BRF1: variants seen among roughly 807,000 people sequenced by gnomAD.
BRF1 encodes the protein transcription factor IIIB 90 kDa subunit.
BRF1 carries 59 observed loss-of-function variants against 81.7 expected under a neutral mutation model. The ratio of observed to expected loss-of-function variants is 0.72; its 90% CI spans 0.59 to 0.90. The LOEUF is 0.90. Among genes scored for constraint, BRF1 ranks in the 40% least tolerant of loss-of-function variants. BRF1 has a pLI of 0.00. For synonymous variants in BRF1, 491 were observed against 395.6 expected (o/e 1.24, Z -2.86); for missense variants, 1,050 against 936.3 (o/e 1.12, Z -1.58).
chr14:105,250,549 G>T, intron 5 of BRF1: 1 of 1,614,148 alleles, frequency 6.2e-7, no homozygotes, highest in Non-Finnish European at 8.5e-7. Flanking sequence ...GCTACTTTGG[G>T]CAGGAGGGGA....
chr14:105,210,721 G>T lies in BRF1; in HGVS notation c.1997-133C>A. The T allele has an allele frequency of 2.2e-6, 2 of 895,458 alleles. No homozygotes were observed. The highest frequency in any genetic ancestry group is 1.6e-6 in the Non-Finnish European group (1 of 614,914). The allele number at this position is 895,458 out of a possible 1,614,324, so 55.5% of individuals were successfully genotyped here. A position where few individuals can be genotyped will look rare whatever the true frequency, so the allele number is the denominator to read the frequency against. Reference sequence around the variant, plus strand: ...CCCCAGCCCCAGCCCCCCGCGCCCCGCCAGGAGCCATCTTGGGCTCCTCTC... The same window carrying T: ...CCCCAGCCCCAGCCCCCCGCGCCCCTCCAGGAGCCATCTTGGGCTCCTCTC... On this transcript the variant is annotated intron_variant, in intron 17 of 17. Coordinates refer to ENST00000547530, the MANE Select transcript of BRF1 (RefSeq NM_001519.4). This position sits in a 1 kb window ranked among gnomAD's most constrained non-coding sequence, Gnocchi z 4.7.
Position 105,210,709 on chromosome 14 carries a change from C to G in BRF1, c.1997-121G>C. ...CTCAGGCTCCAGCCCCAGCCCCAGC[C>G]CCCCGCGCCCCGCCAGGAGCCATCT... On this transcript the variant is annotated intron_variant, in intron 17 of 17. Transcript: ENST00000547530. The surrounding 1 kb of genome is among the most constrained non-coding windows in gnomAD (Gnocchi z 4.7). 2 of 1,144,744 alleles carry G rather than the reference C, an allele frequency of 1.7e-6. No homozygotes were observed. The highest frequency in any genetic ancestry group is 2.7e-4 in the Middle Eastern group (1 of 3,736). The allele number at this position is 1,144,744 out of a possible 1,614,324, so 70.9% of individuals were successfully genotyped here. A position where few individuals can be genotyped will look rare whatever the true frequency, so the allele number is the denominator to read the frequency against.
intron 4 of BRF1, among the ~76,000 whole-genome samples, chr14:105,255,757 G>C (rs1393479514): frequency 6.6e-6 from 1 of 152,200 alleles, no homozygotes; most frequent in Non-Finnish European, 1.5e-5. Context: ...AGATGTAACT[G>C]AAAGTGCTTT....
chr14:105,242,735 C>CAAAAAA (rs753645207), intron 5 of BRF1: 16 of 38,910 alleles, frequency 4.1e-4, no homozygotes, highest in African/African-American at 4.8e-4. Flanking sequence ...AGTTCTGACT[C>CAAAAAA]AAAAAAAAAA....
chr14:105,228,508 C>A (rs1203481694), intron 7 of BRF1, among the ~76,000 whole-genome samples: 4 of 150,838 alleles, frequency 2.7e-5, no homozygotes, highest in Admixed American at 1.3e-4. Context: ...CACGCTATTG[C>A]ACTCCAGCCT....
intron 1 of BRF1, among the ~76,000 whole-genome samples, chr14:105,295,303 C>CAAAAAA (rs869251134): frequency 6.6e-4 from 24 of 36,576 alleles, no homozygotes; most frequent in African/African-American, 1.8e-3. Flanking sequence ...CACATCTCTA[C>CAAAAAA]AAAAAAAAAA....
chr14:105,252,667 T>C (rs2055676263), intron 4 of BRF1, 88 bp from the exon 5 acceptor site: 3 of 1,403,710 alleles, frequency 2.1e-6, no homozygotes, highest in Admixed American at 4.4e-5. Flanking sequence ...TCTTGTGCAG[T>C]CTTTAAAGAC....
rs1328985726 is a variant in BRF1, at chr14:105,210,635, G to C, written c.1997-47C>G. 1.9e-6 allele frequency: 3 copies of C among 1,605,040 alleles called. No homozygotes were observed. The highest frequency in any genetic ancestry group is 2.5e-6 in the Non-Finnish European group (3 of 1,177,622). ...AAGCCCAGGGTCTCTGTGGGACCCA[G>C]GAGCCCAGACCCCCCAACCCGCCCT... On this transcript the variant is annotated intron_variant, in intron 17 of 17. Coordinates refer to ENST00000547530, the MANE Select transcript of BRF1 (RefSeq NM_001519.4). The surrounding 1 kb of genome is among the most constrained non-coding windows in gnomAD (Gnocchi z 4.7).
rs201358103 is a variant in BRF1, at chr14:105,221,898, G to A, written c.1065C>T (p.Thr355=). The A allele has an allele frequency of 5.0e-5, 79 of 1,594,194 alleles. No homozygotes were observed. The highest frequency in any genetic ancestry group is 2.3e-4 in the Admixed American group (13 of 57,534). Residue 355 remains threonine, a synonymous_variant, in exon 11 of 18, where the codon ACC becomes ACT. Transcript: ENST00000547530. ...CCTCCTCGCCACACAAGCTGGACGC[G>A]GTGTCCTCGGTGGAGCCTAGGTGTA... The part of the protein sequence containing the change: ...SLAKDGSTED[T]ASSLCGEEDT...
intron 3 of BRF1, among the ~76,000 whole-genome samples, chr14:105,257,921 C>T (rs1190696749): frequency 6.6e-6 from 1 of 152,124 alleles, no homozygotes; most frequent in African/African-American, 2.4e-5. Flanking sequence ...AGGAGGGTTC[C>T]AGGACGCTGC....
chr14:105,300,313 C>A (rs2057951440), intron 1 of BRF1, 133 bp downstream of exon 1: 3 of 1,043,082 alleles, frequency 2.9e-6, no homozygotes, highest in Non-Finnish European at 3.9e-6. Context: ...ACACTCGCGC[C>A]CAGACGGCGC....
Position 105,246,426 on chromosome 14 carries a change from C to T in BRF1, c.545-5012G>A, listed in dbSNP as rs587668709. On this transcript the variant is annotated intron_variant, in intron 5 of 17. Transcript: ENST00000547530. ...GCGCGGTGGCTCACACCTGTAATCC[C>T]AGCACTTTGGGAGGCCTAGGCAGGT... is the stretch of plus-strand genomic sequence containing the variant. 2.2e-4 allele frequency among the ~76,000 whole-genome samples: 33 copies of T among 151,326 alleles called. No homozygotes were observed. In the South Asian group the frequency reaches 3.4e-3, roughly 16 times the overall value.
chr14:105,254,239 C>T (rs763400458), intron 4 of BRF1, among the ~76,000 whole-genome samples: 9 of 152,166 alleles, frequency 5.9e-5, no homozygotes, highest in African/African-American at 2.2e-4. Context: ...GTGTGCAAAA[C>T]GCGTGCAGTT....
At chr14:105,224,913 C>T (rs1217217549) in intron 10 of BRF1, among the ~76,000 whole-genome samples, 1 of 152,224 alleles carries the variant, frequency 6.6e-6, no homozygotes, top group African/African-American at 2.4e-5. Context: ...AGCACTGAGT[C>T]CCGGAGGGGT....
intron 6 of BRF1, among the ~76,000 whole-genome samples, chr14:105,229,477 G>C (rs1224472411): frequency 6.6e-6 from 1 of 152,230 alleles, no homozygotes; most frequent in East Asian, 1.9e-4. Context: ...GCCCGGATGA[G>C]GAGTGAGGGC....
chr14:105,314,893 G>C, intron 1 of BRF1: 1 of 970,582 alleles, frequency 1.0e-6, no homozygotes, highest in Non-Finnish European at 1.2e-6. Context: ...GCCCCAGGCC[G>C]CCGAGGGAGC....
At chr14:105,302,137 ACT>A (rs2058053106), upstream of BRF1, among the ~76,000 whole-genome samples, 1 of 149,084 alleles carries the variant, frequency 6.7e-6, no homozygotes, top group African/African-American at 2.5e-5. Context: ...CAAGAGTGAA[ACT>A]CTGTCTCAAA....
rs587660310 is a variant in BRF1 at position 105,218,440 on chromosome 14, G to C, written c.1515+558C>G. Among the ~76,000 whole-genome samples the C allele has an allele frequency of 2.2e-3, 330 of 152,288 alleles. 2 individuals are homozygous for C. Among genetic ancestry groups the C allele is most frequent in the African/African-American group, 7.5e-3 (313 of 41,570 alleles). ...TCCCCGGGTCCTGCTGAGCGGGTAGGCCCCACATCTGCCATCCCAGCCACC... is the reference window on the plus strand; with the variant it reads ...TCCCCGGGTCCTGCTGAGCGGGTAGCCCCCACATCTGCCATCCCAGCCACC... On this transcript the variant is annotated intron_variant, in intron 14 of 17. Coordinates refer to ENST00000547530, the MANE Select transcript of BRF1 (RefSeq NM_001519.4).
At chr14:105,249,106 C>G (rs1443177099) in intron 5 of BRF1, 3 of 1,497,198 alleles carry the variant, frequency 2.0e-6, no homozygotes, top group East Asian at 2.7e-5. Flanking sequence ...GCCCCGCGGC[C>G]CCCGCGCCCG....
Sources: gnomAD v4.1 joint callset for allele counts (sites outside exome capture counted in the v4.1 genomes callset) on GRCh38, gnomAD v4.1.1 for gene constraint, Gnocchi (gnomAD v3.1) non-coding constraint, MANE v1.5 for transcripts, NCBI Gene and HGNC (gene_info 2026-07-23, HGNC 2026-07-21) for gene names.